The following GABRB3 variants were observed in gnomAD, a reference collection of about 807,000 sequenced individuals.
GABRB3 encodes the protein gamma-aminobutyric acid receptor subunit beta-3.
Under a neutral mutation model 52.1 loss-of-function variants are expected in GABRB3, and 14 were observed. The ratio of observed to expected loss-of-function variants is 0.27; its 90% CI spans 0.18 to 0.42. GABRB3 has a LOEUF of 0.42. Among genes scored for constraint, GABRB3 ranks in the 10% least tolerant of loss-of-function variants. GABRB3 has a pLI of 1.00. For missense variants in GABRB3, 307 were observed against 609.1 expected (o/e 0.50, Z 5.22); for synonymous variants, 260 against 232.3 (o/e 1.12, Z -1.08).
upstream of GABRB3, chr15:26,773,088 G>T: frequency 1.0e-6 from 1 of 974,392 alleles, no homozygotes; most frequent in Non-Finnish European, 1.2e-6. Context: ...GAGGAGGGCG[G>T]AGGGGGAGGG....
chr15:26,728,562 G>A (rs1404435748), intron 3 of GABRB3, among the ~76,000 whole-genome samples: 1 of 152,182 alleles, frequency 6.6e-6, no homozygotes, highest in Non-Finnish European at 1.5e-5. Flanking sequence ...AAATACCATG[G>A]ATATGGTGAG....
At chr15:26,673,252 C>T (rs1452008713) in intron 3 of GABRB3, among the ~76,000 whole-genome samples, 2 of 151,808 alleles carry the variant, frequency 1.3e-5, no homozygotes, top group Non-Finnish European at 2.9e-5. Flanking sequence ...TCTTTCCTTC[C>T]TCCTTCCTTC....
At chr15:26,675,614 G>A (rs1012348837) in intron 3 of GABRB3, among the ~76,000 whole-genome samples, 1 of 152,178 alleles carries the variant, frequency 6.6e-6, no homozygotes, top group Admixed American at 6.5e-5. Flanking sequence ...CCTGCAGCTG[G>A]GGAGGAAGGT....
At chr15:26,561,297 T>C (rs1889976491) in intron 7 of GABRB3, 121 bp from the exon 8 acceptor site, 5 of 1,359,072 alleles carry the variant, frequency 3.7e-6, no homozygotes, top group Non-Finnish European at 5.2e-6. Flanking sequence ...TTGAATACTG[T>C]GGGGTGACTG....
At chr15:26,558,554 G>A (rs1889843886) in intron 8 of GABRB3, among the ~76,000 whole-genome samples, 1 of 152,270 alleles carries the variant, frequency 6.6e-6, no homozygotes, top group African/African-American at 2.4e-5. Context: ...CCCAGTACTG[G>A]AGGTGGGGCC....
intron 3 of GABRB3, among the ~76,000 whole-genome samples, chr15:26,647,342 T>C (rs1887044793): frequency 6.6e-6 from 1 of 152,230 alleles, no homozygotes; most frequent in South Asian, 2.1e-4. Flanking sequence ...AGAGCTGAAG[T>C]TTTAAATTTT....
intron 3 of GABRB3, among the ~76,000 whole-genome samples, chr15:26,729,576 T>C (rs1566821614): frequency 6.6e-6 from 1 of 152,208 alleles, no homozygotes; most frequent in Non-Finnish European, 1.5e-5. Context: ...AAAGCCTCCA[T>C]GGATCAGGCC....
chr15:26,610,184 T>C (rs1009937195), intron 4 of GABRB3, among the ~76,000 whole-genome samples: 1 of 152,178 alleles, frequency 6.6e-6, no homozygotes. Context: ...ATATATTAGG[T>C]TGGTGCAAAA....
chr15:26,681,969 A>T (rs772525942), intron 3 of GABRB3, among the ~76,000 whole-genome samples: 1 of 152,096 alleles, frequency 6.6e-6, no homozygotes, highest in Non-Finnish European at 1.5e-5. Flanking sequence ...AAAAAAAATT[A>T]TTATTTCACA....
At chr15:26,681,977 A>G (rs923771333) in intron 3 of GABRB3, among the ~76,000 whole-genome samples, 11 of 152,182 alleles carry the variant, frequency 7.2e-5, no homozygotes, top group African/African-American at 2.4e-4. Flanking sequence ...TTATTATTTC[A>G]CAAAATTATC....
intron 3 of GABRB3, among the ~76,000 whole-genome samples, chr15:26,760,417 C>T (rs1890782849): frequency 6.6e-6 from 1 of 152,168 alleles, no homozygotes. Context: ...TCTAAACGCT[C>T]TTACACCTCA....
At chr15:26,586,395 CT>C (rs1245218660) in intron 4 of GABRB3, among the ~76,000 whole-genome samples, 4 of 132,254 alleles carry the variant, frequency 3.0e-5, no homozygotes, top group African/African-American at 8.6e-5. Context: ...CAAACCACCC[CT>C]AACACACACA....
intron 3 of GABRB3, among the ~76,000 whole-genome samples, chr15:26,663,341 C>T (rs1447668179): frequency 1.3e-5 from 2 of 152,182 alleles, no homozygotes; most frequent in South Asian, 2.1e-4. Flanking sequence ...AAATCTCCAA[C>T]TATAATTGTG....
At chr15:26,773,565 G>C, upstream of GABRB3, 1 of 1,152,716 alleles carries the variant, frequency 8.7e-7, no homozygotes, top group Non-Finnish European at 1.3e-6. Context: ...GAGCCCCCGG[G>C]TGCCGCGCCT....
intron 3 of GABRB3, among the ~76,000 whole-genome samples, chr15:26,654,195 G>C (rs1360623638): frequency 1.2e-4 from 19 of 152,182 alleles, no homozygotes; most frequent in Admixed American, 1.0e-3. Context: ...GCCCAGGCTG[G>C]AGCACAGTGG....
chr15:26,737,135 C>A (rs891414858), intron 3 of GABRB3, among the ~76,000 whole-genome samples: 2 of 152,220 alleles, frequency 1.3e-5, no homozygotes, highest in African/African-American at 2.4e-5. Context: ...GAGCTTGCCC[C>A]CTCTGTGATT....
At chr15:26,622,150 C>A (rs891049474) in intron 3 of GABRB3, among the ~76,000 whole-genome samples, 1 of 152,164 alleles carries the variant, frequency 6.6e-6, no homozygotes, top group African/African-American at 2.4e-5. Context: ...GAGATGATGA[C>A]ATATTCACCT....
At chr15:26,654,290 C>T (rs1260592895) in intron 3 of GABRB3, among the ~76,000 whole-genome samples, 10 of 152,218 alleles carry the variant, frequency 6.6e-5, no homozygotes, top group East Asian at 3.9e-4. Context: ...GGACTACAGG[C>T]GCCCGCCACC....
chr15:26,602,346 A>G (rs953310793), intron 4 of GABRB3, among the ~76,000 whole-genome samples: 4 of 152,170 alleles, frequency 2.6e-5, no homozygotes, highest in African/African-American at 9.6e-5. Context: ...GCATTGGACA[A>G]ATCTCCCCGA....
Sources: allele counts gnomAD v4.1 joint callset (sites outside exome capture counted in the v4.1 genomes callset), GRCh38; gene constraint gnomAD v4.1.1; transcripts MANE v1.5; gene names NCBI Gene and HGNC (gene_info 2026-07-23, HGNC 2026-07-21).